PPDPFL: variants seen among roughly 807,000 people sequenced by gnomAD.
The protein encoded by PPDPFL is pancreatic progenitor cell differentiation and proliferation factor like.
PPDPFL carries 12 observed loss-of-function variants against 12.6 expected under a neutral mutation model. The observed-to-expected ratio is 0.95, with a 90% CI of 0.61 to 1.54. The LOEUF (loss-of-function observed/expected upper bound fraction) is 1.54, where lower values mean the gene tolerates loss of function less well. Among genes scored for constraint, PPDPFL ranks in the 40% most tolerant of loss-of-function variants. PPDPFL has a pLI of 0.00. For missense variants in PPDPFL, 114 were observed against 96.0 expected (o/e 1.19, Z -0.78); for synonymous variants, 24 against 32.7 (o/e 0.73, Z 0.91).
intron 1 of PPDPFL, among the ~76,000 whole-genome samples, chr8:49,062,638 A>C (rs752561100): frequency 8.5e-5 from 13 of 152,352 alleles, no homozygotes; most frequent in Middle Eastern, 3.4e-3. Context: ...AAGAAGGGTC[A>C]GGCAGTGGCA....
rs1258869030 is a variant in PPDPFL at position 49,072,482 on chromosome 8, G to C, written c.-45G>C. The C allele has an allele frequency of 1.2e-5, 2 of 166,648 alleles. No individual in the cohort carries two copies. The highest frequency in any genetic ancestry group is 2.6e-5 in the Non-Finnish European group (2 of 77,920). The allele number at this position is 166,648 out of a possible 1,614,324, so 10.3% of individuals were successfully genotyped here. ...AAGAACGAATTGGAGAAAACAAATC[G>C]GTGAGTGACTACCTCATGGCTGAGT... On this transcript the variant is annotated splice_region_variant and 5_prime_UTR_variant, in exon 1 of 5. Transcript: ENST00000522267.
At chr8:49,069,648 A>G (rs1808347793), upstream of PPDPFL, among the ~76,000 whole-genome samples, 1 of 152,196 alleles carries the variant, frequency 6.6e-6, no homozygotes, top group Non-Finnish European at 1.5e-5. Context: ...CATATGCCCA[A>G]AGGAATATAA....
chr8:49,055,895 T>G (rs1808104843), intron 1 of PPDPFL, among the ~76,000 whole-genome samples: 1 of 152,156 alleles, frequency 6.6e-6, no homozygotes, highest in Non-Finnish European at 1.5e-5. Context: ...GTCAGTTGTA[T>G]AGCCAACTTA....
chr8:49,075,237 T>C lies in PPDPFL; in HGVS notation c.*64T>C, dbSNP rs1808474284. The C allele has an allele frequency of 6.2e-7, 1 of 1,613,912 alleles. No homozygotes were observed. The highest frequency in any genetic ancestry group is 1.3e-5 in the African/African-American group (1 of 74,940). On this transcript the variant is annotated 3_prime_UTR_variant, in exon 5 of 5. Coordinates refer to ENST00000522267, the MANE Select transcript of PPDPFL (RefSeq NM_001256597.2). The stretch of plus-strand genomic sequence containing the variant: ...TAACGGTTGCCTGCCTTATGTAGCA[T>C]GAACAGTTGATTCTGACAATCAAGA...
chr8:49,061,258 T>C (rs1039151072), intron 1 of PPDPFL, among the ~76,000 whole-genome samples: 3 of 152,132 alleles, frequency 2.0e-5, no homozygotes, highest in African/African-American at 7.2e-5. Flanking sequence ...TGGGCTCCAA[T>C]GCAATACAAC....
At chr8:49,069,192 C>T (rs139927309), upstream of PPDPFL, among the ~76,000 whole-genome samples, 1 of 152,170 alleles carries the variant, frequency 6.6e-6, no homozygotes, top group Non-Finnish European at 1.5e-5. Flanking sequence ...CCCAAAACTT[C>T]AAAATTCATA....
At chr8:49,057,710 T>A (rs1403728259) in intron 1 of PPDPFL, among the ~76,000 whole-genome samples, 1 of 152,178 alleles carries the variant, frequency 6.6e-6, no homozygotes, top group East Asian at 1.9e-4. Flanking sequence ...TGAAGTTCAC[T>A]GAAGGAAGCC....
intron 1 of PPDPFL, among the ~76,000 whole-genome samples, chr8:49,066,758 AT>A (rs1808307361): frequency 6.6e-6 from 1 of 152,166 alleles, no homozygotes; most frequent in African/African-American, 2.4e-5. Context: ...TGCCCACTGG[AT>A]TTAGGATGCT....
chr8:49,067,498 A>T (rs1458380337), upstream of PPDPFL, among the ~76,000 whole-genome samples: 1 of 152,248 alleles, frequency 6.6e-6, no homozygotes, highest in Non-Finnish European at 1.5e-5. Context: ...TCAGATATTG[A>T]TCCTCTCATA....
intron 1 of PPDPFL, among the ~76,000 whole-genome samples, chr8:49,063,327 T>C (rs1808243084): frequency 6.6e-6 from 1 of 152,180 alleles, no homozygotes; most frequent in Non-Finnish European, 1.5e-5. Flanking sequence ...CCAGAACTTC[T>C]CCCTGTCCTT....
rs977594983 is a variant in PPDPFL at position 49,075,454 on chromosome 8, C to T, written c.*281C>T. ...ACACAAAGACTATCGCTGGAAGTGG[C>T]ACTTGCTACCTGGTGCATCTTTGAA... On this transcript the variant is annotated 3_prime_UTR_variant, in exon 5 of 5. Coordinates refer to ENST00000522267, the MANE Select transcript of PPDPFL (RefSeq NM_001256597.2). 16 of 619,336 alleles carry T rather than the reference C, an allele frequency of 2.6e-5. No homozygotes were observed. In the Admixed American group the frequency reaches 3.0e-4, roughly 12 times the overall value. The allele number at this position is 619,336 out of a possible 1,614,324, so 38.4% of individuals were successfully genotyped here. A position where few individuals can be genotyped will look rare whatever the true frequency, so the allele number is the denominator to read the frequency against.
chr8:49,075,040 T>G, intron 4 of PPDPFL, 112 bp from the exon 5 acceptor site: 1 of 1,480,870 alleles, frequency 6.8e-7, no homozygotes, highest in Non-Finnish European at 9.1e-7. Context: ...CAAGATTGAT[T>G]GTTGGAAAGA....
chr8:49,059,728 C>T (rs941582588), intron 1 of PPDPFL, among the ~76,000 whole-genome samples: 6 of 152,150 alleles, frequency 3.9e-5, no homozygotes, highest in African/African-American at 1.4e-4. Flanking sequence ...TTGTGTCTTC[C>T]TGTACTTAAC....
intron 1 of PPDPFL, among the ~76,000 whole-genome samples, chr8:49,058,811 G>A (rs1010644146): frequency 6.6e-6 from 1 of 152,120 alleles, no homozygotes; most frequent in African/African-American, 2.4e-5. Context: ...TTGATGCTTG[G>A]CTGTCATTGT....
intron 1 of PPDPFL, among the ~76,000 whole-genome samples, chr8:49,061,183 T>C (rs1808195560): frequency 6.6e-6 from 1 of 152,124 alleles, no homozygotes; most frequent in East Asian, 1.9e-4. Flanking sequence ...CTTAACCTTA[T>C]AATAGGACTG....
intron 4 of PPDPFL, chr8:49,074,729 C>T: frequency 6.9e-7 from 1 of 1,452,282 alleles, no homozygotes; most frequent in East Asian, 2.5e-5. Context: ...TGATTAGCTT[C>T]TGTGTGGTGC....
At chr8:49,059,626 T>C (rs939143710) in intron 1 of PPDPFL, among the ~76,000 whole-genome samples, 1 of 152,236 alleles carries the variant, frequency 6.6e-6, no homozygotes, top group Non-Finnish European at 1.5e-5. Flanking sequence ...TCCATACCTC[T>C]TTGCATGTTT....
intron 1 of PPDPFL, among the ~76,000 whole-genome samples, chr8:49,059,858 G>T (rs1375730631): frequency 6.6e-6 from 1 of 152,100 alleles, no homozygotes; most frequent in Non-Finnish European, 1.5e-5. Context: ...AGAAAATTTA[G>T]CCAAGGTAAT....
upstream of PPDPFL, among the ~76,000 whole-genome samples, chr8:49,069,076 G>A (rs1354801611): frequency 2.0e-5 from 3 of 152,094 alleles, no homozygotes; most frequent in Non-Finnish European, 4.4e-5. Flanking sequence ...ATTATATTAG[G>A]CTAATTAAAC....
Sources: gnomAD v4.1 joint callset for allele counts (sites outside exome capture counted in the v4.1 genomes callset) on GRCh38, gnomAD v4.1.1 for gene constraint, MANE v1.5 for transcripts, NCBI Gene and HGNC (gene_info 2026-07-23, HGNC 2026-07-21) for gene names.